RANBP2: variants seen among roughly 807,000 people sequenced by gnomAD.
The protein encoded by RANBP2 is RAN binding protein 2, also known as E3 SUMO-protein ligase RanBP2.
RANBP2 carries 57 observed loss-of-function variants against 303.6 expected under a neutral mutation model. That is an observed-to-expected ratio of 0.19 (90% CI 0.15 to 0.23). The LOEUF is 0.23. Among genes scored for constraint, RANBP2 ranks in the 10% least tolerant of loss-of-function variants. The probability of loss-of-function intolerance (pLI) is 1.00; values close to 1 mark genes in which losing one functional copy is unlikely to be tolerated. For synonymous variants in RANBP2, 1,167 were observed against 1,301.5 expected, an observed-to-expected ratio of 0.90 and a Z score of 2.23; for missense variants, 3,138 against 3,780.8, an observed-to-expected ratio of 0.83 and a Z score of 4.46.
the RANBP2 span, among the ~76,000 whole-genome samples, chr2:109,472,604 T>C: frequency 6.6e-6 from 1 of 152,180 alleles, no homozygotes; most frequent in Non-Finnish European, 1.5e-5. Flanking sequence ...TCCATCCATC[T>C]GTTTCATTTA....
chr2:108,925,397 C>T, the RANBP2 span, among the ~76,000 whole-genome samples: 23,627 of 152,204 alleles, frequency 0.16, 3,762 homozygotes, highest in African/African-American at 0.41. Context: ...GGCTACACGG[C>T]GGATGCACAA....
chr2:109,215,124 C>T, the RANBP2 span, among the ~76,000 whole-genome samples: 1 of 152,148 alleles, frequency 6.6e-6, no homozygotes, highest in African/African-American at 2.4e-5. Flanking sequence ...CACAATTGAC[C>T]GTGTTAAGCA....
chr2:109,516,553 G>T, the RANBP2 span, among the ~76,000 whole-genome samples: 6 of 152,208 alleles, frequency 3.9e-5, no homozygotes, highest in African/African-American at 1.2e-4. Context: ...CAAGGCGGCT[G>T]TGAGGGCCGC....
chr2:108,866,541 ACTTC>A, the RANBP2 span, among the ~76,000 whole-genome samples: 2 of 152,176 alleles, frequency 1.3e-5, no homozygotes, highest in Admixed American at 6.5e-5. Flanking sequence ...GCATTTGACC[ACTTC>A]CTTATGTTTT....
chr2:109,535,900 A>T, the RANBP2 span, among the ~76,000 whole-genome samples: 1 of 152,100 alleles, frequency 6.6e-6, no homozygotes, highest in East Asian at 1.9e-4. Context: ...AATAGAACAG[A>T]ATTTGGGGCT....
At position 108,784,694 on chromosome 2, in the gene RANBP2, T is replaced by C. The variant is rs1678481876; in HGVS notation, c.*793T>C. The C allele has an allele frequency of 6.6e-6, 1 of 152,646 alleles. No homozygotes were observed. The highest frequency in any genetic ancestry group is 2.4e-5 in the African/African-American group (1 of 41,448). The allele number at this position is 152,646 out of a possible 1,614,324, so 9.5% of individuals were successfully genotyped here. On this transcript the variant is annotated 3_prime_UTR_variant, in exon 29 of 29. Transcript: ENST00000283195. ...AGTATGAATATTTTTAGAAAGTCTA[T>C]ACCATGTTCTTTCGTTAAAGATTTG...
the RANBP2 span, among the ~76,000 whole-genome samples, chr2:109,676,046 G>A: frequency 6.6e-6 from 1 of 152,238 alleles, no homozygotes; most frequent in Non-Finnish European, 1.5e-5. Flanking sequence ...AACAGACACC[G>A]GCATGCAAGG....
chr2:109,154,111 C>T, the RANBP2 span, among the ~76,000 whole-genome samples: 5 of 152,118 alleles, frequency 3.3e-5, no homozygotes, highest in African/African-American at 4.8e-5. Context: ...AGACTTTTAT[C>T]TCGTGTGTTT....
chr2:109,645,378 T>C, the RANBP2 span, among the ~76,000 whole-genome samples: 22 of 152,372 alleles, frequency 1.4e-4, no homozygotes, highest in African/African-American at 5.3e-4. Context: ...GCCAAATCCC[T>C]GATGAGAGAT....
At chr2:109,270,857 C>T in the RANBP2 span, among the ~76,000 whole-genome samples, 2 of 152,188 alleles carry the variant, frequency 1.3e-5, no homozygotes, top group South Asian at 4.1e-4. Context: ...GATGGAGTGG[C>T]CAGGGAACCT....
At chr2:109,273,837 T>C in the RANBP2 span, among the ~76,000 whole-genome samples, 1 of 152,258 alleles carries the variant, frequency 6.6e-6, no homozygotes, top group East Asian at 1.9e-4. Context: ...ACATGCTGAT[T>C]GCTTATAAAG....
At chr2:108,908,418 G>A in the RANBP2 span, among the ~76,000 whole-genome samples, 1 of 152,210 alleles carries the variant, frequency 6.6e-6, no homozygotes, top group African/African-American at 2.4e-5. Flanking sequence ...GTGTCTTCAT[G>A]TTAAGCAAAC....
intron 6 of RANBP2, among the ~76,000 whole-genome samples, chr2:108,739,343 C>T (rs1235008991): frequency 6.6e-6 from 1 of 152,096 alleles, no homozygotes; most frequent in Admixed American, 6.5e-5. Flanking sequence ...TCAGAGGTTG[C>T]AGTAAGCCAA....
chr2:109,201,098 C>G, the RANBP2 span, among the ~76,000 whole-genome samples: 2 of 152,258 alleles, frequency 1.3e-5, no homozygotes, highest in Non-Finnish European at 1.5e-5. Flanking sequence ...GTTCTCTCCC[C>G]TGTCCCTCAG....
At chr2:108,791,932 C>A in the RANBP2 span, 1 of 923,450 alleles carries the variant, frequency 1.1e-6, no homozygotes, top group Non-Finnish European at 1.5e-6. Flanking sequence ...CTTCTGTAAG[C>A]TAGGAGATAG....
At chr2:109,197,413 G>C in the RANBP2 span, among the ~76,000 whole-genome samples, 82 of 152,266 alleles carry the variant, frequency 5.4e-4, 1 homozygote, top group Non-Finnish European at 5.1e-4. Flanking sequence ...TCCTCGGGCT[G>C]GTGGCTTAAT....
chr2:109,532,177 G>A, the RANBP2 span, among the ~76,000 whole-genome samples: 1 of 152,222 alleles, frequency 6.6e-6, no homozygotes, highest in Non-Finnish European at 1.5e-5. Flanking sequence ...GGACTCAGGG[G>A]CTAGAATTGC....
At chr2:108,994,802 A>G in the RANBP2 span, among the ~76,000 whole-genome samples, 1 of 111,086 alleles carries the variant, frequency 9.0e-6, no homozygotes, top group South Asian at 2.9e-4. Context: ...GGTTATATAT[A>G]TATATATATA....
chr2:109,432,078 A>G, the RANBP2 span, among the ~76,000 whole-genome samples: 1 of 152,204 alleles, frequency 6.6e-6, no homozygotes, highest in Non-Finnish European at 1.5e-5. Flanking sequence ...GCTCACCCTC[A>G]GTTTTCCCTA....
Sources: allele counts gnomAD v4.1 joint callset (sites outside exome capture counted in the v4.1 genomes callset), GRCh38; gene constraint gnomAD v4.1.1; transcripts MANE v1.5; gene names NCBI Gene and HGNC (gene_info 2026-07-23, HGNC 2026-07-21).